PIK3C2G: variants seen among roughly 807,000 people sequenced by gnomAD.
The protein encoded by PIK3C2G is phosphatidylinositol 3-kinase C2 domain-containing subunit gamma.
A neutral mutation model predicts 181.1 loss-of-function variants in PIK3C2G; 168 were observed. The ratio of observed to expected loss-of-function variants is 0.93; its 90% CI spans 0.82 to 1.05. The LOEUF is 1.05. Among genes scored for constraint, PIK3C2G ranks in the 50% least tolerant of loss-of-function variants. The pLI is 0.00. For synonymous variants in PIK3C2G, 573 were observed against 592.2 expected (o/e 0.97, Z 0.47); for missense variants, 1,869 against 1,732.8 (o/e 1.08, Z -1.40).
rs374207613 is a variant in PIK3C2G at position 18,566,957 on chromosome 12, A to G, written c.3911A>G (p.His1304Arg). Residue 1304 changes from histidine to arginine, a missense_variant, in exon 29 of 33, where the codon CAT becomes CGT. Transcript: ENST00000538779. ...FASLTLPEFP[H>R]WWHLPFTNSD... is the part of the protein sequence containing the mutation. ...TTTTTCTCTTAAAACAGGTTTCCTC[A>G]TTGGTGGCACCTACCTTTTACAAAT... The G allele has an allele frequency of 1.1e-4, 176 of 1,578,510 alleles. No homozygotes were observed. The highest frequency in any genetic ancestry group is 1.7e-4 in the Middle Eastern group (1 of 6,026).
chr12:18,250,673 T>C (rs1019407909), intron 1 of PIK3C2G, among the ~76,000 whole-genome samples: 1 of 152,058 alleles, frequency 6.6e-6, no homozygotes, highest in African/African-American at 2.4e-5. Context: ...TTTTCCTATG[T>C]CTGTGACCTA....
intron 18 of PIK3C2G, among the ~76,000 whole-genome samples, chr12:18,463,238 A>C (rs1948018874): frequency 6.6e-6 from 1 of 152,148 alleles, no homozygotes. Flanking sequence ...AGAATGGGCT[A>C]TTTCACTATT....
chr12:18,358,749 T>C (rs1248033043), intron 11 of PIK3C2G: 8 of 384,864 alleles, frequency 2.1e-5, no homozygotes, highest in Non-Finnish European at 3.5e-5. Flanking sequence ...TATAAATTGG[T>C]AATGTTTGCA....
At chr12:18,658,145 T>C in the PIK3C2G span, among the ~76,000 whole-genome samples, 1 of 152,054 alleles carries the variant, frequency 6.6e-6, no homozygotes, top group Non-Finnish European at 1.5e-5. Context: ...GATTTCCTAA[T>C]CTGAGGAACA....
intron 22 of PIK3C2G, 41 bp downstream of exon 22, chr12:18,497,789 TTTCACACA>T: frequency 6.8e-7 from 1 of 1,472,808 alleles, no homozygotes; most frequent in Non-Finnish European, 9.1e-7. Context: ...ACATTATTTA[TTTCACACA>T]TTCACTAGTA....
intron 18 of PIK3C2G, among the ~76,000 whole-genome samples, chr12:18,479,695 T>C (rs1372307862): frequency 1.3e-5 from 2 of 152,152 alleles, no homozygotes; most frequent in African/African-American, 4.8e-5. Context: ...AACCAAAGCA[T>C]GCAGGTTCTT....
chr12:18,615,367 GTGTA>G (rs1245928527), intron 31 of PIK3C2G, among the ~76,000 whole-genome samples: 4 of 88,502 alleles, frequency 4.5e-5, no homozygotes, highest in African/African-American at 1.2e-4. Flanking sequence ...GTGTGTGTGT[GTGTA>G]TGTGTATATA....
chr12:18,456,969 A>G (rs1947662306), intron 18 of PIK3C2G, among the ~76,000 whole-genome samples: 1 of 152,126 alleles, frequency 6.6e-6, no homozygotes, highest in Admixed American at 6.6e-5. Flanking sequence ...CATTTTTGAG[A>G]ACTTTGTAAT....
the PIK3C2G span, among the ~76,000 whole-genome samples, chr12:18,666,471 C>T: frequency 4.5e-4 from 68 of 151,604 alleles, no homozygotes; most frequent in South Asian, 2.1e-3. Flanking sequence ...GATTGTTGCA[C>T]GAGACAAAGA....
Position 18,622,651 on chromosome 12 carries a change from G to A in PIK3C2G, c.4182+13022G>A, listed in dbSNP as rs531805319. ...TTCCATACTGTTTTTAAAAATGGTT[G>A]TACTAATTTACATTCCCACTGACAG... On this transcript the variant is annotated intron_variant, in intron 31 of 32. Transcript: ENST00000538779. Among the ~76,000 whole-genome samples the A allele has an allele frequency of 1.3e-4, 19 of 151,940 alleles. No homozygotes were observed. The South Asian group carries it at 3.5e-3, about 28-fold the overall frequency.
At chr12:18,609,439 G>C (rs1230062587) in intron 30 of PIK3C2G, 96 bp from the exon 31 acceptor site, 1 of 673,756 alleles carries the variant, frequency 1.5e-6, no homozygotes, top group Non-Finnish European at 2.6e-6. Context: ...TCTTCTACTT[G>C]TTATTTATTG....
chr12:18,243,483 C>G (rs989783480), upstream of PIK3C2G, among the ~76,000 whole-genome samples: 1 of 151,858 alleles, frequency 6.6e-6, no homozygotes, highest in African/African-American at 2.4e-5. Flanking sequence ...AAGTACAATT[C>G]AAATTCAAAG....
At chr12:18,622,786 T>A (rs1255380093) in intron 31 of PIK3C2G, among the ~76,000 whole-genome samples, 1 of 151,862 alleles carries the variant, frequency 6.6e-6, no homozygotes, top group Non-Finnish European at 1.5e-5. Flanking sequence ...TTTTAATGCA[T>A]CTGCCTAATA....
At chr12:18,259,461 AGAT>A (rs1172159257), upstream of PIK3C2G, among the ~76,000 whole-genome samples, 1 of 152,124 alleles carries the variant, frequency 6.6e-6, no homozygotes, top group African/African-American at 2.4e-5. Context: ...GACTACAGGC[AGAT>A]GAGTAAGGAC....
intron 31 of PIK3C2G, among the ~76,000 whole-genome samples, chr12:18,623,795 A>T (rs763071088): frequency 7.3e-5 from 11 of 151,500 alleles, no homozygotes; most frequent in Non-Finnish European, 1.6e-4. Context: ...TTTTGTAGCT[A>T]TTGCAAATGG....
chr12:18,278,144 G>A (rs1417657693), intron 1 of PIK3C2G, among the ~76,000 whole-genome samples: 1 of 152,120 alleles, frequency 6.6e-6, no homozygotes, highest in Admixed American at 6.6e-5. Flanking sequence ...AAACTTTGTT[G>A]CTTAAAGCAA....
the PIK3C2G span, among the ~76,000 whole-genome samples, chr12:18,674,497 G>A: frequency 6.6e-6 from 1 of 152,124 alleles, no homozygotes; most frequent in South Asian, 2.1e-4. Context: ...CAAATAAATT[G>A]AGCAAATACA....
chr12:18,383,022 A>T lies in PIK3C2G; in HGVS notation c.1995+1142A>T, dbSNP rs565564860. On this transcript the variant is annotated intron_variant, in intron 14 of 32. Transcript: ENST00000538779. ...AAAAAAGAATGCTTATTCAGATTAGATCTTGGCACAATATCATAGACACTC... is the reference window on the plus strand; with the variant it reads ...AAAAAAGAATGCTTATTCAGATTAGTTCTTGGCACAATATCATAGACACTC... Among the ~76,000 whole-genome samples the T allele has an allele frequency of 2.0e-5, 3 of 152,348 alleles. No homozygotes were observed. The East Asian group carries it at 5.8e-4, about 29-fold the overall frequency.
chr12:18,393,992 T>G (rs1392428188), intron 15 of PIK3C2G, among the ~76,000 whole-genome samples: 5 of 152,058 alleles, frequency 3.3e-5, no homozygotes, highest in African/African-American at 1.2e-4. Context: ...TTTGGTTGAG[T>G]GCTAAACTAC....
Sources: gnomAD v4.1 joint callset for allele counts (sites outside exome capture counted in the v4.1 genomes callset) on GRCh38, gnomAD v4.1.1 for gene constraint, MANE v1.5 for transcripts, NCBI Gene and HGNC (gene_info 2026-07-23, HGNC 2026-07-21) for gene names.